KCNIP4: variants seen among roughly 807,000 people sequenced by gnomAD.
The protein encoded by KCNIP4 is Kv channel-interacting protein 4.
KCNIP4 carries 12 observed loss-of-function variants against 34.0 expected under a neutral mutation model. The observed-to-expected ratio is 0.35, with a 90% CI of 0.23 to 0.57. KCNIP4 has a LOEUF of 0.57. KCNIP4 is among the 20% of genes least tolerant of loss of function. The probability of loss-of-function intolerance (pLI) is 0.83; values close to 1 mark genes in which losing one functional copy is unlikely to be tolerated. For missense variants in KCNIP4, 238 were observed against 311.7 expected (o/e 0.76, Z 1.78); for synonymous variants, 124 against 102.2 (o/e 1.21, Z -1.29).
intron 1 of KCNIP4, chr4:21,847,959 C>T (rs1424128422): frequency 6.6e-6 from 1 of 152,008 alleles, no homozygotes; most frequent in South Asian, 2.1e-4. Context: ...CATTGCAACA[C>T]GCTGGTTGGA....
At chr4:20,802,398 CAAT>C (rs1007829695) in intron 3 of KCNIP4, among the ~76,000 whole-genome samples, 3 of 151,422 alleles carry the variant, frequency 2.0e-5, no homozygotes, top group Non-Finnish European at 2.9e-5. Flanking sequence ...AATAGAAATA[CAAT>C]AATAGTAGGG....
Position 20,729,904 on chromosome 4 carries a change from C to CAAATTTATAACTGAA in KCNIP4, c.*163_*177dup, listed in dbSNP as rs1260720682. On this transcript the variant is annotated 3_prime_UTR_variant, in exon 9 of 9. Coordinates refer to ENST00000382152, the MANE Select transcript of KCNIP4 (RefSeq NM_025221.6). ...ACTCAGTGGCATTATGAAAAGGATG[C>CAAATTTATAACTGAA]AAATTTATAACTGAAAGCTCAAATC... is the stretch of plus-strand genomic sequence containing the variant. The CAAATTTATAACTGAA allele has an allele frequency of 1.3e-5, 8 of 613,416 alleles. No homozygotes were observed. The highest frequency in any genetic ancestry group is 2.0e-5 in the Non-Finnish European group (8 of 393,110). 38.0% of individuals were successfully genotyped at this position (613,416 alleles called of 1,614,324 possible).
chr4:21,489,451 T>C (rs1031636543), intron 1 of KCNIP4, among the ~76,000 whole-genome samples: 10 of 152,120 alleles, frequency 6.6e-5, no homozygotes, highest in African/African-American at 2.4e-4. Flanking sequence ...TCATAGGTAA[T>C]TCAGTGACTG....
chr4:21,217,915 CTG>C (rs1391475350), intron 1 of KCNIP4, among the ~76,000 whole-genome samples: 1 of 151,202 alleles, frequency 6.6e-6, no homozygotes, highest in African/African-American at 2.4e-5. Flanking sequence ...TGATACAGAA[CTG>C]TGCAATATTG....
intron 1 of KCNIP4, among the ~76,000 whole-genome samples, chr4:21,265,849 C>A (rs1005063203): frequency 6.6e-6 from 1 of 152,146 alleles, no homozygotes; most frequent in Non-Finnish European, 1.5e-5. Flanking sequence ...ACTGAAGAAA[C>A]AATTACATAT....
At chr4:21,804,984 A>G (rs1721210256) in intron 1 of KCNIP4, among the ~76,000 whole-genome samples, 1 of 152,218 alleles carries the variant, frequency 6.6e-6, no homozygotes, top group African/African-American at 2.4e-5. Flanking sequence ...GAAAAAGACC[A>G]CAAATTAAAA....
chr4:21,464,682 G>T (rs1341746230), intron 1 of KCNIP4: 2 of 151,966 alleles, frequency 1.3e-5, no homozygotes, highest in African/African-American at 4.8e-5. Context: ...ATCACGCCTA[G>T]TTGGTGTCTA....
intron 1 of KCNIP4, among the ~76,000 whole-genome samples, chr4:21,792,945 G>C (rs1262299941): frequency 6.6e-6 from 1 of 152,190 alleles, no homozygotes; most frequent in Non-Finnish European, 1.5e-5. Flanking sequence ...GAGTATGTGA[G>C]AGAAATTTGG....
At chr4:21,466,220 T>C (rs28485209) in intron 1 of KCNIP4, among the ~76,000 whole-genome samples, 1 of 152,120 alleles carries the variant, frequency 6.6e-6, no homozygotes, top group Non-Finnish European at 1.5e-5. Context: ...CTCTGCCCAG[T>C]CAAATTATGA....
intron 1 of KCNIP4, among the ~76,000 whole-genome samples, chr4:21,553,235 A>G (rs911234542): frequency 1.3e-5 from 2 of 152,192 alleles, no homozygotes; most frequent in South Asian, 4.1e-4. Flanking sequence ...GAAACGTTCA[A>G]GTGAACCATA....
chr4:21,174,750 C>G (rs1477961439), intron 1 of KCNIP4, among the ~76,000 whole-genome samples: 1 of 151,762 alleles, frequency 6.6e-6, no homozygotes, highest in Non-Finnish European at 1.5e-5. Context: ...ACTAAAAATA[C>G]AAAAATTAGC....
intron 1 of KCNIP4, among the ~76,000 whole-genome samples, chr4:21,225,977 C>T (rs753157827): frequency 3.3e-5 from 5 of 151,870 alleles, no homozygotes; most frequent in Non-Finnish European, 7.4e-5. Context: ...AAGCCATCAC[C>T]TAATTATTAA....
intron 1 of KCNIP4, among the ~76,000 whole-genome samples, chr4:21,741,764 C>T (rs755715840): frequency 1.9e-4 from 29 of 152,086 alleles, no homozygotes; most frequent in Non-Finnish European, 3.5e-4. Context: ...CTAGGCCGGG[C>T]GTGGTGGCTC....
rs530513307 is a variant in KCNIP4, at chr4:21,561,577, G to A, written c.61+386994C>T. On this transcript the variant is annotated intron_variant, in intron 1 of 8. Coordinates refer to ENST00000382152, the MANE Select transcript of KCNIP4 (RefSeq NM_025221.6). Reference sequence around the variant, plus strand: ...CTTGTGGCCATTTAAATGATGGTGGGCAGCAGCAGTTCTATTGTTTTTCCT... The same window carrying A: ...CTTGTGGCCATTTAAATGATGGTGGACAGCAGCAGTTCTATTGTTTTTCCT... 3.3e-5 allele frequency among the ~76,000 whole-genome samples: 5 copies of A among 152,014 alleles called. No homozygotes were observed. In the South Asian group the frequency reaches 8.3e-4, roughly 25 times the overall value.
intron 1 of KCNIP4, among the ~76,000 whole-genome samples, chr4:20,895,142 C>T (rs1469932068): frequency 2.6e-5 from 4 of 152,188 alleles, no homozygotes; most frequent in Non-Finnish European, 5.9e-5. Flanking sequence ...CAAAATGGAA[C>T]ACTTATTGGA....
chr4:20,738,219 A>G (rs1750173246), intron 5 of KCNIP4, among the ~76,000 whole-genome samples: 1 of 152,212 alleles, frequency 6.6e-6, no homozygotes, highest in Non-Finnish European at 1.5e-5. Flanking sequence ...ATTGCTGAGC[A>G]GTTTTGAAAG....
intron 1 of KCNIP4, among the ~76,000 whole-genome samples, chr4:21,467,534 G>A (rs367971080): frequency 1.3e-5 from 2 of 152,078 alleles, no homozygotes; most frequent in Non-Finnish European, 1.5e-5. Context: ...AACCAAGGCC[G>A]TCTCCCTCTG....
intron 1 of KCNIP4, among the ~76,000 whole-genome samples, chr4:20,903,763 A>C (rs1268872419): frequency 6.6e-6 from 1 of 152,144 alleles, no homozygotes; most frequent in Non-Finnish European, 1.5e-5. Flanking sequence ...ATGGTCACTC[A>C]TATTTGGCTT....
intron 1 of KCNIP4, among the ~76,000 whole-genome samples, chr4:21,811,802 G>A (rs1467398066): frequency 6.6e-6 from 1 of 152,102 alleles, no homozygotes; most frequent in Non-Finnish European, 1.5e-5. Flanking sequence ...TTTAAACTAG[G>A]CCCATGAAAG....
Sources: gnomAD v4.1 joint callset for allele counts (sites outside exome capture counted in the v4.1 genomes callset) on GRCh38, gnomAD v4.1.1 for gene constraint, MANE v1.5 for transcripts, NCBI Gene and HGNC (gene_info 2026-07-23, HGNC 2026-07-21) for gene names.